MGLL: variants seen among roughly 807,000 people sequenced by gnomAD.
MGLL encodes lysophospholipase homolog.
MGLL carries 7 observed loss-of-function variants against 29.1 expected under a neutral mutation model. The ratio of observed to expected loss-of-function variants is 0.24; its 90% CI spans 0.14 to 0.45. The LOEUF (loss-of-function observed/expected upper bound fraction) is 0.45, where lower values mean the gene tolerates loss of function less well. Among genes scored for constraint, MGLL ranks in the 20% least tolerant of loss-of-function variants. MGLL has a pLI of 0.99. For synonymous variants in MGLL, 148 were observed against 168.3 expected, an observed-to-expected ratio of 0.88 and a Z score of 0.93; for missense variants, 356 against 413.6, an observed-to-expected ratio of 0.86 and a Z score of 1.21.
At chr3:127,797,318 A>G (rs2077399875) in intron 2 of MGLL, among the ~76,000 whole-genome samples, 1 of 151,654 alleles carries the variant, frequency 6.6e-6, no homozygotes, top group African/African-American at 2.4e-5. Context: ...GGCTTTTTGC[A>G]GGCAAAAAAA....
chr3:127,723,550 AGTCGCCCCCCCACG>A (rs931321804), intron 3 of MGLL, among the ~76,000 whole-genome samples: 51 of 148,028 alleles, frequency 3.4e-4, no homozygotes, highest in African/African-American at 1.2e-3. Context: ...CCACCTTCCC[AGTCGCCCCCCCACG>A]GTCTGTCTGA....
At chr3:127,695,299 C>T (rs573498766) in intron 6 of MGLL, 109 bp from the exon 7 acceptor site, 13 of 1,138,098 alleles carry the variant, frequency 1.1e-5, no homozygotes, top group Admixed American at 2.1e-5. Context: ...GGGTTGATTC[C>T]ATTCAGGTCA....
At position 127,721,122 on chromosome 3, in the gene MGLL, G is replaced by A. The variant is rs367902799; in HGVS notation, c.441C>T (p.Gly147=). ...IAILTAAERP[G]HFAGMVLISP... ...AAATGAGTACCATGCCGGCGAAGTG[G>A]CCCGGCCTCTCTGCGGCCGTGAGGA... The change falls in exon 5 of 8, where the codon GGC becomes GGT. Residue 147 remains glycine, a synonymous_variant. Transcript: ENST00000265052. The A allele has an allele frequency of 2.5e-6, 4 of 1,614,120 alleles. No individual in the cohort carries two copies. The African/African-American group carries it at 5.3e-5, about 22-fold the overall frequency.
At chr3:127,792,281 G>T (rs2107724479) in intron 2 of MGLL, among the ~76,000 whole-genome samples, 1 of 152,342 alleles carries the variant, frequency 6.6e-6, no homozygotes, top group Non-Finnish European at 1.5e-5. Context: ...GCATCTCTAA[G>T]ATCTGAGGGA....
rs764249830 is a variant in MGLL at position 127,758,951 on chromosome 3, C to T, written c.262+22838G>A. Among the ~76,000 whole-genome samples the T allele has an allele frequency of 2.4e-4, 29 of 118,882 alleles. 1 individual carries two copies. Among genetic ancestry groups the T allele is most frequent in the Non-Finnish European group, 3.7e-4 (23 of 61,448 alleles). 78.0% of individuals were successfully genotyped at this position (118,882 alleles called of 152,430 possible). A position where few individuals can be genotyped will look rare whatever the true frequency, so the allele number is the denominator to read the frequency against. ...TTTTTTTTTTTTTTTGAGACAGAGT[C>T]TTGCTCTGTTGCCCAGGCTGGAGTG... On this transcript the variant is annotated intron_variant, in intron 3 of 7. Coordinates refer to ENST00000265052, the MANE Select transcript of MGLL (RefSeq NM_007283.7).
intron 2 of MGLL, among the ~76,000 whole-genome samples, chr3:127,819,206 C>T (rs746702837): frequency 6.6e-6 from 1 of 152,156 alleles, no homozygotes; most frequent in East Asian, 1.9e-4. Flanking sequence ...AGTGTTGCTC[C>T]GAGCCACCTG....
At chr3:127,785,570 A>G (rs2077198533) in intron 2 of MGLL, among the ~76,000 whole-genome samples, 1 of 152,262 alleles carries the variant, frequency 6.6e-6, no homozygotes, top group African/African-American at 2.4e-5. Context: ...AACAGAGAGC[A>G]AAGTTCAGCC....
intron 6 of MGLL, among the ~76,000 whole-genome samples, chr3:127,700,176 A>G (rs930838564): frequency 6.6e-6 from 1 of 152,178 alleles, no homozygotes; most frequent in African/African-American, 2.4e-5. Flanking sequence ...ATGACACTCT[A>G]CCTGAGTGAT....
chr3:127,745,930 G>A (rs1559940485), intron 3 of MGLL, among the ~76,000 whole-genome samples: 2 of 152,186 alleles, frequency 1.3e-5, no homozygotes, highest in African/African-American at 2.4e-5. Flanking sequence ...TCACAAGACT[G>A]GCGCTGGAAC....
intron 3 of MGLL, among the ~76,000 whole-genome samples, chr3:127,735,502 A>G (rs1299814610): frequency 6.6e-6 from 1 of 152,258 alleles, no homozygotes; most frequent in Admixed American, 6.5e-5. Context: ...CAGAAGACTG[A>G]GTAAGTATGA....
intron 2 of MGLL, among the ~76,000 whole-genome samples, chr3:127,786,079 G>A (rs2077207276): frequency 6.6e-6 from 1 of 152,200 alleles, no homozygotes; most frequent in African/African-American, 2.4e-5. Context: ...GAAGGTGAGA[G>A]GTACATGGAA....
At chr3:127,719,400 G>T (rs2107619645) in intron 5 of MGLL, among the ~76,000 whole-genome samples, 1 of 152,324 alleles carries the variant, frequency 6.6e-6, no homozygotes, top group South Asian at 2.1e-4. Flanking sequence ...CCCATCACAA[G>T]GGCTGCACAA....
At position 127,812,690 on chromosome 3, in the gene MGLL, A is replaced by G. The variant is rs575864992; in HGVS notation, c.155+9004T>C. On this transcript the variant is annotated intron_variant, in intron 2 of 7. Coordinates refer to ENST00000265052, the MANE Select transcript of MGLL (RefSeq NM_007283.7). ...CCAGAACGATGGTGCAGGGAGATGAAGCGGACAAAGGAATCAAGAGAGTTC... is the reference window on the plus strand; with the variant it reads ...CCAGAACGATGGTGCAGGGAGATGAGGCGGACAAAGGAATCAAGAGAGTTC... 2.0e-5 allele frequency among the ~76,000 whole-genome samples: 3 copies of G among 152,366 alleles called. No homozygotes were observed. In the East Asian group the frequency reaches 5.8e-4, roughly 29 times the overall value.
intron 6 of MGLL, among the ~76,000 whole-genome samples, chr3:127,699,483 C>G (rs2075436837): frequency 6.6e-6 from 1 of 152,172 alleles, no homozygotes; most frequent in South Asian, 2.1e-4. Flanking sequence ...CGCACTTGCT[C>G]ATTTAATCTT....
intron 6 of MGLL, among the ~76,000 whole-genome samples, chr3:127,705,790 AAGAAG>A (rs1467295818): frequency 1.6e-5 from 2 of 123,610 alleles, no homozygotes; most frequent in African/African-American, 3.4e-5. Context: ...AAAAAAAAAA[AAGAAG>A]AAGAAGAAGA....
At chr3:127,752,593 C>T (rs1158379871) in intron 3 of MGLL, among the ~76,000 whole-genome samples, 1 of 152,072 alleles carries the variant, frequency 6.6e-6, no homozygotes, top group African/African-American at 2.4e-5. Context: ...TTGTTCCCAA[C>T]TTTTCATGAT....
At chr3:127,766,199 C>T (rs183094074) in intron 3 of MGLL, among the ~76,000 whole-genome samples, 2 of 152,230 alleles carry the variant, frequency 1.3e-5, no homozygotes, top group African/African-American at 4.8e-5. Context: ...GCCAGAACCC[C>T]GTAATAGCCC....
chr3:127,747,595 A>G (rs770884744), intron 3 of MGLL, among the ~76,000 whole-genome samples: 6 of 152,234 alleles, frequency 3.9e-5, no homozygotes, highest in Non-Finnish European at 7.3e-5. Context: ...GGTTCCCTCC[A>G]GGGCAGCTAA....
intron 2 of MGLL, among the ~76,000 whole-genome samples, 158 bp from the exon 3 acceptor site, chr3:127,782,053 T>C (rs2077137123): frequency 6.6e-6 from 1 of 151,984 alleles, no homozygotes; most frequent in Admixed American, 6.6e-5. Flanking sequence ...AAACCCCACC[T>C]CTACTGAAAT....
Sources: gnomAD v4.1 joint callset for allele counts (sites outside exome capture counted in the v4.1 genomes callset) on GRCh38, gnomAD v4.1.1 for gene constraint, MANE v1.5 for transcripts, NCBI Gene and HGNC (gene_info 2026-07-23, HGNC 2026-07-21) for gene names.